The following PARP4 variants were observed in gnomAD, a reference collection of about 807,000 sequenced individuals.
The protein encoded by PARP4 is protein mono-ADP-ribosyltransferase PARP4.
Under a neutral mutation model 187.7 loss-of-function variants are expected in PARP4, and 120 were observed. The ratio of observed to expected loss-of-function variants is 0.64; its 90% CI spans 0.55 to 0.74. The LOEUF (loss-of-function observed/expected upper bound fraction) is 0.74, where lower values mean the gene tolerates loss of function less well. Among genes scored for constraint, PARP4 ranks in the 30% least tolerant of loss-of-function variants. The pLI is 0.00. For synonymous variants in PARP4, 654 were observed against 740.9 expected, an observed-to-expected ratio of 0.88 and a Z score of 1.90; for missense variants, 1,836 against 2,070.5, an observed-to-expected ratio of 0.89 and a Z score of 2.20.
intron 1 of PARP4, among the ~76,000 whole-genome samples, chr13:24,507,148 G>A (rs562795949): frequency 2.9e-4 from 44 of 152,334 alleles, no homozygotes; most frequent in South Asian, 6.2e-4. Flanking sequence ...GCGCTGGCCC[G>A]CAAGCGCCGC....
chr13:24,446,322 T>C (rs1871205413), intron 27 of PARP4, among the ~76,000 whole-genome samples: 1 of 152,220 alleles, frequency 6.6e-6, no homozygotes. Flanking sequence ...GAAAGTATAC[T>C]CATTTGTACA....
Position 24,484,322 on chromosome 13 carries a change from C to T in PARP4, c.1448+331G>A, listed in dbSNP as rs187321557. ...GCTAGAACTATAGGTTCTATTAGCG[C>T]CACCATGCACGGCTAATTTTTTAAT... On this transcript the variant is annotated intron_variant, in intron 12 of 33. Coordinates refer to ENST00000381989, the MANE Select transcript of PARP4 (RefSeq NM_006437.4). 7.2e-5 allele frequency among the ~76,000 whole-genome samples: 11 copies of T among 152,230 alleles called. No homozygotes were observed. The East Asian group carries it at 1.9e-3, about 27-fold the overall frequency.
At chr13:24,466,397 T>C (rs1233713018) in intron 17 of PARP4, among the ~76,000 whole-genome samples, 4 of 151,782 alleles carry the variant, frequency 2.6e-5, no homozygotes, top group Non-Finnish European at 5.9e-5. Context: ...GCCCAAGGGG[T>C]CTTGAACTCC....
chr13:24,493,773 T>C, intron 7 of PARP4, 40 bp from the exon 8 acceptor site: 1 of 1,602,514 alleles, frequency 6.2e-7, no homozygotes, highest in East Asian at 2.2e-5. Context: ...AAAGTCATCA[T>C]GTGTGAGTTT....
At chr13:24,458,957 C>T in intron 20 of PARP4, 87 bp downstream of exon 20, 1 of 917,098 alleles carries the variant, frequency 1.1e-6, no homozygotes, top group Non-Finnish European at 1.7e-6. Context: ...AGCATTATTT[C>T]ACTTTTCAAC....
At chr13:24,467,193 T>C (rs1229864073) in intron 17 of PARP4, among the ~76,000 whole-genome samples, 1 of 152,226 alleles carries the variant, frequency 6.6e-6, no homozygotes, top group Non-Finnish European at 1.5e-5. Context: ...TAAGTCGTCC[T>C]AGGCTGGGCA....
chr13:24,485,986 A>G (rs188375391), intron 11 of PARP4, among the ~76,000 whole-genome samples, 182 bp downstream of exon 11: 32 of 152,302 alleles, frequency 2.1e-4, no homozygotes, highest in African/African-American at 6.5e-4. Flanking sequence ...GCCTGGCCAT[A>G]AATATGTAAT....
intron 2 of PARP4, 88 bp downstream of exon 2, chr13:24,503,557 C>T: frequency 1.4e-6 from 2 of 1,458,058 alleles, no homozygotes; most frequent in Admixed American, 1.7e-5. Flanking sequence ...TCTCCTGCTG[C>T]TAATCTCTGC....
intron 31 of PARP4, among the ~76,000 whole-genome samples, chr13:24,432,909 T>C (rs6490923): frequency 0.94 from 142,711 of 152,168 alleles, 67,059 homozygotes; most frequent in East Asian, 0.99. Context: ...CAGGGTGTGG[T>C]CCTAGGCAGG....
At position 24,434,460 on chromosome 13, in the gene PARP4, T is replaced by C. The variant is rs141842931; in HGVS notation, c.4681A>G (p.Ile1561Val). 35 of 1,610,398 alleles carry C rather than the reference T, an allele frequency of 2.2e-5. No individual in the cohort carries two copies. Among genetic ancestry groups the C allele is most frequent in the African/African-American group, 2.7e-5 (2 of 74,898 alleles). Reference sequence around the variant, plus strand: ...TCCTGCCAGTGTTGTATGCACACTATTTCATCCTCTTCTTTTACTTCCAGA... The same window carrying C: ...TCCTGCCAGTGTTGTATGCACACTACTTCATCCTCTTCTTTTACTTCCAGA... The part of the protein sequence containing the change: ...CFLEVKEEDE[I>V]VCIQHWQDAV... Residue 1561 changes from isoleucine to valine, a missense_variant, in exon 31 of 34, where the codon ATA becomes GTA. Around this residue, in one of 8 missense-constraint regions of PARP4, gnomAD observed 450 missense variants for 439.2 expected, o/e 1.02. Transcript: ENST00000381989.
chr13:24,457,747 G>A (rs1871944609), intron 20 of PARP4, among the ~76,000 whole-genome samples: 1 of 131,306 alleles, frequency 7.6e-6, no homozygotes, highest in Admixed American at 8.5e-5. Context: ...CTCCAACCTG[G>A]GAAACAGAGT....
intron 12 of PARP4, among the ~76,000 whole-genome samples, chr13:24,481,392 ATT>A (rs1486472681): frequency 1.3e-5 from 2 of 152,200 alleles, no homozygotes; most frequent in Non-Finnish European, 2.9e-5. Flanking sequence ...AAGTCTTATT[ATT>A]TAAGAAATAC....
intron 33 of PARP4, among the ~76,000 whole-genome samples, chr13:24,425,632 G>A (rs986170544): frequency 6.9e-6 from 1 of 144,318 alleles, no homozygotes; most frequent in Non-Finnish European, 1.5e-5. Flanking sequence ...ATCCTACTCT[G>A]GTCTTGACCC....
intron 10 of PARP4, among the ~76,000 whole-genome samples, chr13:24,489,479 G>A (rs1868503252): frequency 1.3e-5 from 2 of 152,140 alleles, no homozygotes; most frequent in South Asian, 4.1e-4. Context: ...GTGGTGGCGT[G>A]CGTCTATAGT....
chr13:24,501,597 C>T (rs1869285599), intron 3 of PARP4, 36 bp downstream of exon 3: 3 of 1,423,506 alleles, frequency 2.1e-6, no homozygotes, highest in Admixed American at 1.7e-5. Flanking sequence ...ACTATGGCAC[C>T]TATGATACGT....
intron 12 of PARP4, among the ~76,000 whole-genome samples, chr13:24,481,551 G>A (rs143688079): frequency 0.025 from 3,755 of 152,246 alleles, 88 homozygotes; most frequent in African/African-American, 0.068. Flanking sequence ...AAATTAGCCA[G>A]GCGTGGTGGC....
At chr13:24,491,798 C>A (rs758244201) in intron 9 of PARP4, among the ~76,000 whole-genome samples, 1 of 152,234 alleles carries the variant, frequency 6.6e-6, no homozygotes, top group African/African-American at 2.4e-5. Context: ...AATCTCCTCA[C>A]CAGTGACTGG....
At chr13:24,440,127 G>A (rs1464885545) in intron 30 of PARP4, among the ~76,000 whole-genome samples, 1 of 152,164 alleles carries the variant, frequency 6.6e-6, no homozygotes, top group African/African-American at 2.4e-5. Flanking sequence ...AGAAAGCAAG[G>A]CTGGGGACAG....
chr13:24,506,631 G>C (rs1869702036), intron 1 of PARP4, among the ~76,000 whole-genome samples: 1 of 152,074 alleles, frequency 6.6e-6, no homozygotes, highest in South Asian at 2.1e-4. Context: ...CTAGACACAG[G>C]GTGTTGATTG....
Sources: allele counts gnomAD v4.1 joint callset (sites outside exome capture counted in the v4.1 genomes callset), GRCh38; gene constraint gnomAD v4.1.1; regional missense constraint gnomAD v4.1.1; transcripts MANE v1.5; gene names NCBI Gene and HGNC (gene_info 2026-07-23, HGNC 2026-07-21).